The following OR1J2 variants were observed in gnomAD, a reference collection of about 807,000 sequenced individuals.
OR1J2 encodes olfactory receptor 1J2.
For missense variants in OR1J2, 304 were observed against 246.1 expected (o/e 1.24, Z -1.57); for synonymous variants, 142 against 99.7 (o/e 1.42, Z -2.52).
At chr9:122,510,675 T>C (rs143748567), upstream of OR1J2, 337 of 609,788 alleles carry the variant, frequency 5.5e-4, 1 homozygote, top group East Asian at 8.4e-3. Flanking sequence ...TAGGCCCCAG[T>C]GTGTGTTGTT....
the OR1J2 span, among the ~76,000 whole-genome samples, chr9:122,532,938 G>A: frequency 1.1e-4 from 17 of 152,126 alleles, no homozygotes; most frequent in Admixed American, 8.5e-4. Context: ...GAATTATGCC[G>A]AGATAGGTAA....
At chr9:122,488,853 C>A in the OR1J2 span, among the ~76,000 whole-genome samples, 1 of 125,330 alleles carries the variant, frequency 8.0e-6, no homozygotes, top group African/African-American at 3.3e-5. Flanking sequence ...ACACAAGTTT[C>A]TTTTTTTAAA....
the OR1J2 span, among the ~76,000 whole-genome samples, chr9:122,520,906 A>C: frequency 1.3e-5 from 2 of 152,198 alleles, no homozygotes; most frequent in Non-Finnish European, 2.9e-5. Context: ...CCATCCAGTG[A>C]AGGGCATATA....
the OR1J2 span, among the ~76,000 whole-genome samples, chr9:122,541,518 C>G: frequency 6.6e-6 from 1 of 152,152 alleles, no homozygotes; most frequent in Non-Finnish European, 1.5e-5. Context: ...AAGTTTGGGT[C>G]TTGGGGTGGC....
chr9:122,500,076 A>G, the OR1J2 span, among the ~76,000 whole-genome samples: 3 of 152,206 alleles, frequency 2.0e-5, no homozygotes, highest in Admixed American at 2.0e-4. Context: ...AGGTGCTCCA[A>G]TTTCTGGCCT....
chr9:122,449,432 C>T, the OR1J2 span, among the ~76,000 whole-genome samples: 2 of 152,026 alleles, frequency 1.3e-5, no homozygotes, highest in Admixed American at 6.6e-5. Flanking sequence ...TGCAGTGGTG[C>T]GATCTCGGCT....
the OR1J2 span, among the ~76,000 whole-genome samples, chr9:122,571,894 A>T: frequency 6.6e-6 from 1 of 152,100 alleles, no homozygotes; most frequent in Non-Finnish European, 1.5e-5. Context: ...CTATTCTTAC[A>T]CTGCTATAAA....
chr9:122,563,786 T>C, the OR1J2 span, among the ~76,000 whole-genome samples: 2 of 152,250 alleles, frequency 1.3e-5, no homozygotes, highest in African/African-American at 4.8e-5. Flanking sequence ...AGCAGAGTTT[T>C]GTATGTGGTA....
the OR1J2 span, among the ~76,000 whole-genome samples, chr9:122,537,347 G>C: frequency 1.3e-5 from 2 of 152,230 alleles, no homozygotes; most frequent in African/African-American, 2.4e-5. Flanking sequence ...GTTTAGGCCA[G>C]GCAGGCCCAG....
downstream of OR1J2, among the ~76,000 whole-genome samples, chr9:122,515,816 A>G (rs1276784501): frequency 6.6e-6 from 1 of 152,118 alleles, no homozygotes; most frequent in East Asian, 1.9e-4. Context: ...AATCTGCTTG[A>G]TAATTTCCTG....
At chr9:122,569,423 C>G in the OR1J2 span, among the ~76,000 whole-genome samples, 1 of 85,666 alleles carries the variant, frequency 1.2e-5, no homozygotes, top group African/African-American at 4.6e-5. Context: ...AAGTGGCTTC[C>G]ATTTCTTGCT....
At chr9:122,554,293 A>C in the OR1J2 span, 1 of 671,780 alleles carries the variant, frequency 1.5e-6, no homozygotes, top group African/African-American at 1.8e-5. Context: ...GGATGTAAAA[A>C]AAAAAAAAAG....
chr9:122,567,875 CA>C, the OR1J2 span: 4 of 1,613,842 alleles, frequency 2.5e-6, no homozygotes, highest in African/African-American at 5.3e-5. Flanking sequence ...GTGCTTCTGT[CA>C]TCTGCACAAT....
chr9:122,564,882 A>G, the OR1J2 span, among the ~76,000 whole-genome samples: 127 of 152,350 alleles, frequency 8.3e-4, no homozygotes, highest in African/African-American at 2.7e-3. Flanking sequence ...AATCAAGTTC[A>G]CAGAATTCTC....
At chr9:122,579,809 A>C in the OR1J2 span, among the ~76,000 whole-genome samples, 1 of 152,164 alleles carries the variant, frequency 6.6e-6, no homozygotes, top group Non-Finnish European at 1.5e-5. Context: ...TAAAATACTG[A>C]AATATTTTAT....
At chr9:122,466,123 T>C in the OR1J2 span, among the ~76,000 whole-genome samples, 1 of 152,152 alleles carries the variant, frequency 6.6e-6, no homozygotes, top group African/African-American at 2.4e-5. Context: ...GGCCCAATAT[T>C]GAATGGCCCA....
chr9:122,519,793 A>T, the OR1J2 span: 2 of 1,614,148 alleles, frequency 1.2e-6, no homozygotes, highest in Non-Finnish European at 1.7e-6. Flanking sequence ...TTGATCTCTT[A>T]TGGCCACATT....
the OR1J2 span, among the ~76,000 whole-genome samples, chr9:122,481,661 G>A: frequency 0.25 from 37,794 of 151,994 alleles, 4,901 homozygotes; most frequent in African/African-American, 0.3. Context: ...TGGTAAGATA[G>A]CACTGATGAA....
At chr9:122,509,870 A>T (rs1828599363), upstream of OR1J2, among the ~76,000 whole-genome samples, 1 of 152,214 alleles carries the variant, frequency 6.6e-6, no homozygotes. Context: ...ATGAATTGAT[A>T]CAATCCCTAA....
Sources: allele counts gnomAD v4.1 joint callset (sites outside exome capture counted in the v4.1 genomes callset), GRCh38; gene constraint gnomAD v4.1.1; transcripts MANE v1.5; gene names NCBI Gene and HGNC (gene_info 2026-07-23, HGNC 2026-07-21).